KITLG: variants seen among roughly 807,000 people sequenced by gnomAD.
The protein encoded by KITLG is c-Kit ligand.
KITLG carries 13 observed loss-of-function variants against 34.1 expected under a neutral mutation model. That is an observed-to-expected ratio of 0.38 (90% CI 0.25 to 0.61). The LOEUF (loss-of-function observed/expected upper bound fraction) is 0.61. Among genes scored for constraint, KITLG ranks in the 20% least tolerant of loss-of-function variants. The pLI, the probability that KITLG is intolerant of heterozygous loss-of-function variation, is 0.60. For synonymous variants in KITLG, 110 were observed against 104.0 expected, an observed-to-expected ratio of 1.06 and a Z score of -0.35; for missense variants, 292 against 318.9, an observed-to-expected ratio of 0.92 and a Z score of 0.64.
At chr12:88,579,738 T>C (rs903229973) in intron 1 of KITLG, among the ~76,000 whole-genome samples, 4 of 151,298 alleles carry the variant, frequency 2.6e-5, no homozygotes, top group African/African-American at 9.7e-5. Context: ...CGCCGAGAGC[T>C]GCCGCTTAGG....
chr12:88,502,428 A>C (rs1868896942), intron 9 of KITLG, among the ~76,000 whole-genome samples: 1 of 152,194 alleles, frequency 6.6e-6, no homozygotes, highest in Non-Finnish European at 1.5e-5. Context: ...TCAGAAGAAC[A>C]ATCTTCTTTG....
intron 6 of KITLG, among the ~76,000 whole-genome samples, chr12:88,508,507 G>C (rs919301451): frequency 6.6e-6 from 1 of 151,976 alleles, no homozygotes; most frequent in African/African-American, 2.4e-5. Context: ...CCTATAAATG[G>C]TATGTTTCCA....
At chr12:88,522,222 T>C (rs1344444462) in intron 3 of KITLG, among the ~76,000 whole-genome samples, 1 of 152,122 alleles carries the variant, frequency 6.6e-6, no homozygotes, top group Non-Finnish European at 1.5e-5. Flanking sequence ...CCACAGAATA[T>C]GTGACACAGA....
chr12:88,550,563 C>CTTATT (rs1274814002), intron 1 of KITLG, among the ~76,000 whole-genome samples: 1 of 152,068 alleles, frequency 6.6e-6, no homozygotes, highest in African/African-American at 2.4e-5. Flanking sequence ...TCTTGGATAT[C>CTTATT]TAATAAGGAA....
At chr12:88,578,635 C>T (rs1871908283) in intron 1 of KITLG, among the ~76,000 whole-genome samples, 1 of 152,170 alleles carries the variant, frequency 6.6e-6, no homozygotes, top group African/African-American at 2.4e-5. Context: ...ATCCTACTGC[C>T]TCTCAAAGTG....
intron 1 of KITLG, among the ~76,000 whole-genome samples, chr12:88,554,389 G>A (rs1871028286): frequency 6.6e-6 from 1 of 152,216 alleles, no homozygotes; most frequent in African/African-American, 2.4e-5. Flanking sequence ...AAGTGTTTGT[G>A]TAGCTCATTT....
At chr12:88,562,244 A>G (rs2120957565) in intron 1 of KITLG, among the ~76,000 whole-genome samples, 1 of 152,346 alleles carries the variant, frequency 6.6e-6, no homozygotes, top group East Asian at 1.9e-4. Flanking sequence ...TTTATATGGT[A>G]CAGACCAAGG....
At chr12:88,573,835 C>T (rs1445116359) in intron 1 of KITLG, among the ~76,000 whole-genome samples, 1 of 152,020 alleles carries the variant, frequency 6.6e-6, no homozygotes, top group East Asian at 1.9e-4. Flanking sequence ...CTTTCATGTC[C>T]TTTTACATGG....
intron 1 of KITLG, among the ~76,000 whole-genome samples, chr12:88,566,058 C>T (rs1048434253): frequency 6.6e-6 from 1 of 152,178 alleles, no homozygotes; most frequent in African/African-American, 2.4e-5. Context: ...GCAATGGCCT[C>T]ACCTTCTCCT....
rs199796784 is a variant in KITLG at position 88,567,655 on chromosome 12, C to CA, written c.15+12608dup. 2.8e-3 allele frequency among the ~76,000 whole-genome samples: 422 copies of CA among 151,798 alleles called. 1 individual carries two copies. Among genetic ancestry groups the CA allele is most frequent in the Non-Finnish European group, 3.8e-3 (255 of 67,912 alleles). On this transcript the variant is annotated intron_variant, in intron 1 of 9. Transcript: ENST00000644744. The stretch of plus-strand genomic sequence containing the variant: ...ATAAAGTTATTAAATTCAACACATG[C>CA]AAAAAAAATAAAAACAACAAACGAA...
At chr12:88,498,914 A>T (rs538146862) in intron 9 of KITLG, among the ~76,000 whole-genome samples, 2 of 152,314 alleles carry the variant, frequency 1.3e-5, no homozygotes, top group Admixed American at 1.3e-4. Context: ...AGAGAGAATT[A>T]AATGTAGAGA....
intron 9 of KITLG, among the ~76,000 whole-genome samples, chr12:88,498,852 C>A (rs1566016572): frequency 6.6e-6 from 1 of 152,024 alleles, no homozygotes; most frequent in African/African-American, 2.4e-5. Context: ...CCAGCCTGGG[C>A]TACAGAGCAA....
At chr12:88,537,004 A>G (rs1186951027) in intron 2 of KITLG, among the ~76,000 whole-genome samples, 1 of 152,132 alleles carries the variant, frequency 6.6e-6, no homozygotes, top group Non-Finnish European at 1.5e-5. Context: ...TCAAAAAACA[A>G]CAGATGCTGG....
At chr12:88,531,034 T>C (rs1265657026) in intron 3 of KITLG, among the ~76,000 whole-genome samples, 3 of 152,222 alleles carry the variant, frequency 2.0e-5, no homozygotes, top group Non-Finnish European at 4.4e-5. Context: ...GTAACTCAAA[T>C]GGTTTTAAAT....
chr12:88,529,652 T>C (rs535453071), intron 3 of KITLG, among the ~76,000 whole-genome samples: 24 of 152,182 alleles, frequency 1.6e-4, no homozygotes, highest in Admixed American at 5.9e-4. Context: ...CACCAGAGAA[T>C]CTTTTTGGCA....
At chr12:88,521,124 G>A (rs189762360) in intron 3 of KITLG, among the ~76,000 whole-genome samples, 173 of 152,162 alleles carry the variant, frequency 1.1e-3, no homozygotes, top group Non-Finnish European at 2.2e-3. Flanking sequence ...GGAAAAGGCT[G>A]AATCATAAAT....
At chr12:88,522,553 G>C (rs1343837292) in intron 3 of KITLG, among the ~76,000 whole-genome samples, 1 of 151,426 alleles carries the variant, frequency 6.6e-6, no homozygotes, top group African/African-American at 2.4e-5. Flanking sequence ...TCAGCCTCCT[G>C]AGTAGTTGGG....
chr12:88,568,334 T>C (rs1388838745), intron 1 of KITLG, among the ~76,000 whole-genome samples: 1 of 150,688 alleles, frequency 6.6e-6, no homozygotes, highest in African/African-American at 2.5e-5. Context: ...TTATTTATAA[T>C]ATTTTTGTAG....
chr12:88,555,646 C>T (rs777409457), intron 1 of KITLG, among the ~76,000 whole-genome samples: 8 of 151,992 alleles, frequency 5.3e-5, no homozygotes, highest in Non-Finnish European at 1.2e-4. Flanking sequence ...ATAAATGAGT[C>T]GAGCAGGTAA....
Sources: allele counts gnomAD v4.1 joint callset (sites outside exome capture counted in the v4.1 genomes callset), GRCh38; gene constraint gnomAD v4.1.1; transcripts MANE v1.5; gene names NCBI Gene and HGNC (gene_info 2026-07-23, HGNC 2026-07-21).